Variants in LINGO2 observed in about 807,000 individuals in gnomAD.
The protein encoded by LINGO2 is leucine rich repeat and Ig domain containing 2, also known as leucine-rich repeat and immunoglobulin-like domain-containing nogo receptor-interacting protein 2.
LINGO2 carries 14 observed loss-of-function variants against 30.6 expected under a neutral mutation model. The observed-to-expected ratio is 0.46, with a 90% CI of 0.30 to 0.72. The LOEUF is 0.72. LINGO2 is among the 30% of genes least tolerant of loss of function. The pLI, the probability that LINGO2 is intolerant of heterozygous loss-of-function variation, is 0.07. For missense variants in LINGO2, 729 were observed against 751.7 expected (o/e 0.97, Z 0.35); for synonymous variants, 317 against 288.5 (o/e 1.10, Z -1.00).
chr9:28,629,719 G>C (rs915260709), intron 1 of LINGO2, among the ~76,000 whole-genome samples: 2 of 151,944 alleles, frequency 1.3e-5, no homozygotes, highest in Admixed American at 6.6e-5. Flanking sequence ...GGTAGAACTA[G>C]AGTACAATAT....
intron 1 of LINGO2, among the ~76,000 whole-genome samples, chr9:28,551,820 T>C (rs980162469): frequency 4.6e-5 from 7 of 152,132 alleles, no homozygotes; most frequent in African/African-American, 1.7e-4. Context: ...GACCTTGCTC[T>C]CTGACACACG....
the LINGO2 span, among the ~76,000 whole-genome samples, chr9:28,776,800 G>T: frequency 6.6e-6 from 1 of 151,114 alleles, no homozygotes; most frequent in Non-Finnish European, 1.5e-5. Flanking sequence ...GAAGTATAGA[G>T]TATATAGAAC....
intron 4 of LINGO2, among the ~76,000 whole-genome samples, chr9:28,181,756 T>C (rs1348805733): frequency 6.6e-6 from 1 of 152,132 alleles, no homozygotes; most frequent in Non-Finnish European, 1.5e-5. Flanking sequence ...TTAGTGTGTA[T>C]AGAAATATAG....
At chr9:28,011,641 G>C (rs530167935) in intron 5 of LINGO2, among the ~76,000 whole-genome samples, 2 of 152,268 alleles carry the variant, frequency 1.3e-5, no homozygotes, top group East Asian at 3.9e-4. Context: ...AAAAGTGATG[G>C]AATTGTATTT....
At chr9:28,295,914 C>T (rs114399877) in intron 3 of LINGO2, among the ~76,000 whole-genome samples, 2,646 of 152,198 alleles carry the variant, frequency 0.017, 42 homozygotes, top group African/African-American at 0.041. Flanking sequence ...CTTTGAGGGA[C>T]ATATGTAAGG....
At chr9:28,379,553 G>C (rs1453827027) in intron 2 of LINGO2, among the ~76,000 whole-genome samples, 2 of 152,040 alleles carry the variant, frequency 1.3e-5, no homozygotes, top group Non-Finnish European at 2.9e-5. Flanking sequence ...AACAAAACCA[G>C]CACTCCCTAA....
chr9:28,756,670 C>T, the LINGO2 span, among the ~76,000 whole-genome samples: 1 of 151,720 alleles, frequency 6.6e-6, no homozygotes, highest in Admixed American at 6.6e-5. Flanking sequence ...TTGGTTTCCC[C>T]CATGCTGTTC....
intron 4 of LINGO2, among the ~76,000 whole-genome samples, chr9:28,104,277 T>A (rs951302876): frequency 6.8e-6 from 1 of 147,894 alleles, no homozygotes; most frequent in African/African-American, 2.5e-5. Flanking sequence ...TTTTTTTTTT[T>A]TTTTTTTTTG....
chr9:28,657,870 T>A (rs1232091512), intron 1 of LINGO2, among the ~76,000 whole-genome samples: 1 of 151,900 alleles, frequency 6.6e-6, no homozygotes, highest in Non-Finnish European at 1.5e-5. Flanking sequence ...TTCTTCCTTC[T>A]TATAAATATT....
chr9:27,976,779 G>A (rs1414533323), intron 5 of LINGO2, among the ~76,000 whole-genome samples: 1 of 152,042 alleles, frequency 6.6e-6, no homozygotes, highest in Non-Finnish European at 1.5e-5. Flanking sequence ...CTTTAAGAAA[G>A]CACAAAATAA....
chr9:28,779,042 G>A, the LINGO2 span, among the ~76,000 whole-genome samples: 2 of 152,046 alleles, frequency 1.3e-5, no homozygotes, highest in East Asian at 1.9e-4. Flanking sequence ...AATCTTAACC[G>A]TACTATTTTT....
intron 1 of LINGO2, among the ~76,000 whole-genome samples, chr9:28,651,060 G>A (rs1828080673): frequency 6.6e-6 from 1 of 151,704 alleles, no homozygotes; most frequent in Non-Finnish European, 1.5e-5. Flanking sequence ...GCATGGTGGT[G>A]GGCACCTGTA....
the LINGO2 span, among the ~76,000 whole-genome samples, chr9:28,756,326 A>T: frequency 6.6e-6 from 1 of 152,030 alleles, no homozygotes; most frequent in Admixed American, 6.5e-5. Flanking sequence ...CTGGAACATT[A>T]ACCCAATGCC....
intron 1 of LINGO2, among the ~76,000 whole-genome samples, chr9:28,523,604 AAC>A (rs1587802568): frequency 6.6e-6 from 1 of 152,126 alleles, no homozygotes; most frequent in East Asian, 1.9e-4. Flanking sequence ...ACACAAGATC[AAC>A]ACACAAAAAT....
At chr9:27,948,407 T>C (rs1009130206) in exon 6 of LINGO2, 1 of 163,978 alleles carries the variant, frequency 6.1e-6, no homozygotes, top group Non-Finnish European at 1.3e-5. Context: ...TATGGTATGA[T>C]GCAAGGCTTT....
intron 4 of LINGO2, among the ~76,000 whole-genome samples, chr9:28,055,665 G>A (rs1824897826): frequency 6.6e-6 from 1 of 152,098 alleles, no homozygotes; most frequent in Non-Finnish European, 1.5e-5. Context: ...AGGTTTGCTA[G>A]ATTGTCAAAA....
intron 4 of LINGO2, among the ~76,000 whole-genome samples, chr9:28,136,940 A>T (rs1016053429): frequency 2.0e-5 from 3 of 151,964 alleles, no homozygotes; most frequent in Non-Finnish European, 4.4e-5. Context: ...GGAGAATTAG[A>T]TTTTTCCGCC....
intron 4 of LINGO2, among the ~76,000 whole-genome samples, chr9:28,240,389 T>C (rs2133969964): frequency 6.6e-6 from 1 of 152,196 alleles, no homozygotes; most frequent in African/African-American, 2.4e-5. Context: ...ACTACAGAGC[T>C]ATAGTAACCA....
chr9:28,889,885 T>C, the LINGO2 span, among the ~76,000 whole-genome samples: 3 of 152,064 alleles, frequency 2.0e-5, no homozygotes, highest in Admixed American at 6.6e-5. Context: ...TTCTGAAATT[T>C]TAAGCTCTAG....
Sources: gnomAD v4.1 joint callset for allele counts (sites outside exome capture counted in the v4.1 genomes callset) on GRCh38, gnomAD v4.1.1 for gene constraint, MANE v1.5 for transcripts, NCBI Gene and HGNC (gene_info 2026-07-23, HGNC 2026-07-21) for gene names.